The following PEX13 variants were observed in gnomAD, a reference collection of about 807,000 sequenced individuals.
PEX13 encodes peroxisome biogenesis factor 13.
PEX13 carries 28 observed loss-of-function variants against 34.5 expected under a neutral mutation model. The ratio of observed to expected loss-of-function variants is 0.81; its 90% CI spans 0.60 to 1.11. PEX13 has a LOEUF of 1.11. PEX13 is among the 50% of genes most tolerant of loss of function. The pLI is 0.00. For missense variants in PEX13, 550 were observed against 491.0 expected (o/e 1.12, Z -1.13); for synonymous variants, 177 against 175.1 (o/e 1.01, Z -0.09).
intron 2 of PEX13, among the ~76,000 whole-genome samples, chr2:61,034,739 G>A (rs964323593): frequency 6.6e-6 from 1 of 152,276 alleles, no homozygotes; most frequent in African/African-American, 2.4e-5. Flanking sequence ...CAGCAACGCT[G>A]CAGCTTGATG....
In PEX13 at chr2:61,048,670, A is replaced by G. The variant is rs770273069; in HGVS notation, c.1112A>G (p.Asp371Gly). 9.0e-5 allele frequency: 146 copies of G among 1,613,832 alleles called. 2 individuals are homozygous for G. Among genetic ancestry groups the G allele is most frequent in the Non-Finnish European group, 1.7e-6 (2 of 1,179,812 alleles). The change falls in exon 4 of 4, where the codon GAT (aspartate) becomes GGT (glycine). Residue 371 changes from aspartate (D) to glycine (G), a missense_variant. Coordinates refer to ENST00000295030, the MANE Select transcript of PEX13 (RefSeq NM_002618.4). Reference sequence around the variant, plus strand: ...GGAGCCACGGTTGCTGATTCTTTGGATGAACAGGAAGCTGCCTTTGAATCT... The same window carrying G: ...GGAGCCACGGTTGCTGATTCTTTGGGTGAACAGGAAGCTGCCTTTGAATCT... Reference protein sequence around the residue: ...TKGATVADSLDEQEAAFESVF... With the variant: ...TKGATVADSLGEQEAAFESVF...
chr2:61,045,827 G>T lies in PEX13; in HGVS notation c.889G>T (p.Asp297Tyr). ...AGAAGAAATTTCTTTCCGGGCTGGT[G>T]ATATGCTGAACTTAGCTCTCAAAGG... ...SEEEISFRAG[D>Y]MLNLALKEQQ... The change falls in exon 3 of 4, where the codon GAT (aspartate) becomes TAT (tyrosine). Residue 297 changes from aspartate to tyrosine, a missense_variant. Coordinates refer to ENST00000295030, the MANE Select transcript of PEX13 (RefSeq NM_002618.4). The T allele has an allele frequency of 6.2e-7, 1 of 1,613,096 alleles. No individual in the cohort carries two copies. The highest frequency in any genetic ancestry group is 8.5e-7 in the Non-Finnish European group (1 of 1,179,126).
chr2:61,048,057 A>T (rs1395117298), intron 3 of PEX13, among the ~76,000 whole-genome samples: 1 of 152,216 alleles, frequency 6.6e-6, no homozygotes, highest in Non-Finnish European at 1.5e-5. Context: ...GTAGGCTAAG[A>T]AAGCTGAGTG....
intron 1 of PEX13, among the ~76,000 whole-genome samples, chr2:61,025,395 G>T (rs1252029982): frequency 6.6e-6 from 1 of 151,734 alleles, no homozygotes; most frequent in East Asian, 1.9e-4. Context: ...GTCTTGCTCT[G>T]TTGCCCAGGC....
In PEX13 at chr2:61,036,956, C is replaced by CA. The variant is rs1457395165; in HGVS notation, c.787+4853dup. Among the ~76,000 whole-genome samples, 987 of 141,482 alleles carry CA rather than the reference C, an allele frequency of 7.0e-3. 8 individuals are homozygous for CA. Among genetic ancestry groups the CA allele is most frequent in the African/African-American group, 0.022 (868 of 38,600 alleles). The allele number at this position is 141,482 out of a possible 152,430, so 92.8% of individuals were successfully genotyped here. The stretch of plus-strand genomic sequence containing the variant: ...GAAGATCTACCAAGCAAATGGAAAG[C>CA]AAAAAAAAAAGCAGGAGTTGCAATC... On this transcript the variant is annotated intron_variant, in intron 2 of 3. Transcript: ENST00000295030.
intron 3 of PEX13, among the ~76,000 whole-genome samples, chr2:61,046,967 TA>T (rs1320461858): frequency 1.3e-5 from 2 of 152,192 alleles, no homozygotes; most frequent in African/African-American, 4.8e-5. Context: ...TGTGCACCTA[TA>T]GTCCCACCTA....
intron 1 of PEX13, among the ~76,000 whole-genome samples, chr2:61,030,464 T>A (rs1307400339): frequency 1.3e-5 from 2 of 152,170 alleles, no homozygotes; most frequent in Admixed American, 6.5e-5. Flanking sequence ...CACATTTTTT[T>A]ATGGTGATTT....
chr2:61,018,102 CTG>C, intron 1 of PEX13: 1 of 1,544,288 alleles, frequency 6.5e-7, no homozygotes, highest in South Asian at 1.2e-5. Context: ...CTCTGGGTCT[CTG>C]TGCTTGAAAG....
At position 61,051,956 on chromosome 2, in the gene PEX13, C is replaced by G. The variant is rs1017353076; in HGVS notation, c.*3186C>G. The G allele has an allele frequency of 6.6e-6, 1 of 152,204 alleles. No homozygotes were observed. Among genetic ancestry groups the G allele is most frequent in the East Asian group, 1.9e-4 (1 of 5,342 alleles). 9.4% of individuals were successfully genotyped at this position (152,204 alleles called of 1,614,324 possible). On this transcript the variant is annotated 3_prime_UTR_variant, in exon 4 of 4. Coordinates refer to ENST00000295030, the MANE Select transcript of PEX13 (RefSeq NM_002618.4). ...TTATTTTTAGTAGGTTGTGAAGTTACTTTTACTGGAGAAATAAAAATATGT... is the reference window on the plus strand; with the variant it reads ...TTATTTTTAGTAGGTTGTGAAGTTAGTTTTACTGGAGAAATAAAAATATGT...
chr2:61,039,964 A>G (rs957731660), intron 2 of PEX13, among the ~76,000 whole-genome samples: 1 of 152,250 alleles, frequency 6.6e-6, no homozygotes, highest in African/African-American at 2.4e-5. Context: ...GAAGACATTT[A>G]TGCAGCCAAC....
chr2:61,041,069 G>A (rs77992221), intron 2 of PEX13, among the ~76,000 whole-genome samples: 1,738 of 152,092 alleles, frequency 0.011, 14 homozygotes, highest in Middle Eastern at 0.017. Flanking sequence ...TCCCAACACT[G>A]GGAGGATGAG....
At chr2:61,035,311 A>G (rs1394307794) in intron 2 of PEX13, among the ~76,000 whole-genome samples, 7 of 152,194 alleles carry the variant, frequency 4.6e-5, no homozygotes, top group Non-Finnish European at 1.0e-4. Flanking sequence ...CCAAAACCCC[A>G]TTTGTAGGTT....
chr2:61,035,319 G>T (rs879543942), intron 2 of PEX13, among the ~76,000 whole-genome samples: 1 of 152,160 alleles, frequency 6.6e-6, no homozygotes, highest in Non-Finnish European at 1.5e-5. Context: ...CCATTTGTAG[G>T]TTGCCAACAT....
At position 61,048,465 on chromosome 2, in the gene PEX13, C is replaced by T. The variant is rs372608491; in HGVS notation, c.914-7C>T. On this transcript the variant is annotated splice_polypyrimidine_tract_variant and splice_region_variant and intron_variant, in intron 3 of 3. Transcript: ENST00000295030. ...GTAATTACAAGACTGTCTTTTTTTT[C>T]CATCAGAACAACAACCCAAAGTGCG... 1.2e-6 allele frequency: 2 copies of T among 1,610,542 alleles called. No homozygotes were observed. The highest frequency in any genetic ancestry group is 1.7e-6 in the Non-Finnish European group (2 of 1,177,954).
intron 1 of PEX13, among the ~76,000 whole-genome samples, chr2:61,025,280 A>G (rs1016248938): frequency 3.3e-5 from 5 of 151,828 alleles, no homozygotes; most frequent in Admixed American, 6.6e-5. Flanking sequence ...CATCTTGGCC[A>G]GGCTGGTCTT....
intron 1 of PEX13, among the ~76,000 whole-genome samples, chr2:61,020,833 T>G (rs921993477): frequency 1.3e-5 from 2 of 152,042 alleles, no homozygotes; most frequent in East Asian, 3.8e-4. Flanking sequence ...TTTTGTATTT[T>G]TAATAGAGAT....
At chr2:61,040,831 G>A (rs1680613874) in intron 2 of PEX13, among the ~76,000 whole-genome samples, 1 of 146,616 alleles carries the variant, frequency 6.8e-6, no homozygotes, top group African/African-American at 2.5e-5. Context: ...TAATATATGT[G>A]TATATATATA....
intron 1 of PEX13, among the ~76,000 whole-genome samples, chr2:61,021,276 C>T (rs752093345): frequency 6.6e-6 from 1 of 152,102 alleles, no homozygotes; most frequent in African/African-American, 2.4e-5. Flanking sequence ...CAAGGGATGC[C>T]GTGACAGACT....
intron 3 of PEX13, among the ~76,000 whole-genome samples, 196 bp from the exon 4 acceptor site, chr2:61,048,276 T>C (rs1190563396): frequency 3.3e-5 from 5 of 152,176 alleles, no homozygotes; most frequent in Admixed American, 3.3e-4. Context: ...TTAGTAAGTA[T>C]AAAATAAAAA....
Sources: gnomAD v4.1 joint callset for allele counts (sites outside exome capture counted in the v4.1 genomes callset) on GRCh38, gnomAD v4.1.1 for gene constraint, MANE v1.5 for transcripts, NCBI Gene and HGNC (gene_info 2026-07-23, HGNC 2026-07-21) for gene names.